The following ZFHX4 variants were observed in gnomAD, a reference collection of about 807,000 sequenced individuals.
ZFHX4 encodes the protein zinc finger homeobox protein 4.
ZFHX4 carries 56 observed loss-of-function variants against 267.6 expected under a neutral mutation model. The observed-to-expected ratio is 0.21, with a 90% CI of 0.17 to 0.26. The LOEUF (loss-of-function observed/expected upper bound fraction) is 0.26. Ranked by LOEUF, ZFHX4 falls within the 10% of genes least tolerant of loss-of-function variation. The pLI, the probability that ZFHX4 is intolerant of heterozygous loss-of-function variation, is 1.00. For synonymous variants in ZFHX4, 1,778 were observed against 1,665.6 expected (o/e 1.07, Z -1.64); for missense variants, 4,332 against 4,420.0 (o/e 0.98, Z 0.56).
intron 4 of ZFHX4, among the ~76,000 whole-genome samples, chr8:76,788,292 G>T (rs1211222028): frequency 1.3e-5 from 2 of 152,074 alleles, no homozygotes; most frequent in South Asian, 2.1e-4. Context: ...ACAATCCTCA[G>T]TTATCTTTTA....
chr8:76,714,632 A>G (rs1808516767), intron 3 of ZFHX4, among the ~76,000 whole-genome samples: 1 of 152,228 alleles, frequency 6.6e-6, no homozygotes, highest in African/African-American at 2.4e-5. Context: ...CCATTCTGTT[A>G]GCAGAATACA....
chr8:76,741,169 C>T (rs1308094470), intron 3 of ZFHX4, among the ~76,000 whole-genome samples: 1 of 152,064 alleles, frequency 6.6e-6, no homozygotes, highest in Non-Finnish European at 1.5e-5. Context: ...GCAGCAAATG[C>T]TATACAGAGG....
chr8:76,860,276 A>G (rs536734342), intron 10 of ZFHX4, among the ~76,000 whole-genome samples: 122 of 152,116 alleles, frequency 8.0e-4, no homozygotes, highest in African/African-American at 2.7e-3. Context: ...TCATTATTTA[A>G]CTCAGCTTTT....
At position 76,750,142 on chromosome 8, in the gene ZFHX4, G is replaced by A. The variant is rs564897797; in HGVS notation, c.3094-28066G>A. ...TTTTCAGAGATGCTGACCTGTTAGTGATTAACCAAGATTAGGGTCTTGGAT... is the reference window on the plus strand; with the variant it reads ...TTTTCAGAGATGCTGACCTGTTAGTAATTAACCAAGATTAGGGTCTTGGAT... On this transcript the variant is annotated intron_variant, in intron 3 of 10. Transcript: ENST00000651372. 2.0e-5 allele frequency among the ~76,000 whole-genome samples: 3 copies of A among 152,120 alleles called. No homozygotes were observed. The South Asian group carries it at 6.2e-4, about 32-fold the overall frequency.
At position 76,811,682 on chromosome 8, in the gene ZFHX4, A is replaced by G. The variant is rs559406368; in HGVS notation, c.3326-21656A>G. ...CACCAGAAGTGGTTTGGCAGGAAAG[A>G]CACCAAAACAGATTACTCCAGATAA... On this transcript the variant is annotated intron_variant, in intron 4 of 10. Coordinates refer to ENST00000651372, the MANE Select transcript of ZFHX4 (RefSeq NM_024721.5). 2.0e-5 allele frequency among the ~76,000 whole-genome samples: 3 copies of G among 152,322 alleles called. No individual in the cohort carries two copies. In the East Asian group the frequency reaches 5.8e-4, roughly 29 times the overall value.
intron 4 of ZFHX4, among the ~76,000 whole-genome samples, chr8:76,829,214 A>G (rs867187091): frequency 4.2e-5 from 6 of 142,272 alleles, no homozygotes; most frequent in African/African-American, 1.3e-4. Context: ...AATTCCAAAT[A>G]TATCCCTGGC....
chr8:76,703,959 G>A, intron 1 of ZFHX4, 84 bp from the exon 2 acceptor site: 11 of 969,022 alleles, frequency 1.1e-5, no homozygotes, highest in Non-Finnish European at 1.7e-5. Context: ...CACGTTTACA[G>A]CAGCTGTAAA....
intron 1 of ZFHX4, among the ~76,000 whole-genome samples, chr8:76,690,976 T>A (rs1807809804): frequency 6.6e-6 from 1 of 152,074 alleles, no homozygotes; most frequent in African/African-American, 2.4e-5. Context: ...TAACTCATTT[T>A]AAAATATGGG....
Position 76,855,229 on chromosome 8 carries a change from C to T in ZFHX4, c.8308C>T (p.Pro2770Ser). 1 of 1,612,156 alleles carries T rather than the reference C, an allele frequency of 6.2e-7. No individual in the cohort carries two copies. Among genetic ancestry groups the T allele is most frequent in the South Asian group, 1.1e-5 (1 of 90,790 alleles). ...AELSPKNLLSPSSFKAECSED... is the reference protein window; with the variant it reads ...AELSPKNLLSSSSFKAECSED... ...GCTGTCACCGAAGAATCTTTTAAGC[C>T]CTTCTTCTTTTAAAGCAGAGTGTTC... Residue 2770 changes from proline to serine, a missense_variant, in exon 10 of 11, where the codon CCT (proline) becomes TCT (serine). Physicochemically the swap from Pro to Ser is moderately conservative, Grantham distance 74. Coordinates refer to ENST00000651372, the MANE Select transcript of ZFHX4 (RefSeq NM_024721.5).
rs1019188158 is a variant in ZFHX4 at position 76,864,534 on chromosome 8, A to G, written c.10820A>G (p.Asn3607Ser). 3 of 1,611,016 alleles carry G rather than the reference A, an allele frequency of 1.9e-6. No individual in the cohort carries two copies. The highest frequency in any genetic ancestry group is 8.5e-7 in the Non-Finnish European group (1 of 1,178,620). ...GCTTCTGGCCTAGATGGTAATTTCA[A>G]TAGCATCCGAATGGATATGTTCAGT... Reference protein sequence around the residue: ...KPASGLDGNFNSIRMDMFSV With the variant: ...KPASGLDGNFSSIRMDMFSV The change falls in exon 11 of 11, where the codon AAT becomes AGT. Residue 3607 changes from asparagine (N) to serine (S), a missense_variant. Asn to Ser is a conservative substitution (Grantham distance 46, BLOSUM62 1). Coordinates refer to ENST00000651372, the MANE Select transcript of ZFHX4 (RefSeq NM_024721.5).
At chr8:76,837,021 G>T (rs1585994988) in intron 5 of ZFHX4, among the ~76,000 whole-genome samples, 1 of 152,046 alleles carries the variant, frequency 6.6e-6, no homozygotes, top group Non-Finnish European at 1.5e-5. Flanking sequence ...GGGAAATGGA[G>T]TAAGATGTGT....
At chr8:76,738,094 A>C (rs996462236) in intron 3 of ZFHX4, among the ~76,000 whole-genome samples, 6 of 152,192 alleles carry the variant, frequency 3.9e-5, no homozygotes, top group Middle Eastern at 3.2e-3. Context: ...CTAAGGCATC[A>C]CATGTAGGAG....
chr8:76,682,137 A>T (rs1397769114), intron 1 of ZFHX4, among the ~76,000 whole-genome samples: 2 of 151,952 alleles, frequency 1.3e-5, no homozygotes, highest in Non-Finnish European at 2.9e-5. Flanking sequence ...CTGCACCCCG[A>T]TCGGGATGAC....
chr8:76,765,047 T>G (rs1462443713), intron 3 of ZFHX4, among the ~76,000 whole-genome samples: 1 of 152,114 alleles, frequency 6.6e-6, no homozygotes, highest in Non-Finnish European at 1.5e-5. Flanking sequence ...TCGTAAAAAT[T>G]TTAAGTCAAG....
At chr8:76,807,864 T>G (rs1006275605) in intron 4 of ZFHX4, among the ~76,000 whole-genome samples, 6 of 152,146 alleles carry the variant, frequency 3.9e-5, no homozygotes, top group African/African-American at 1.4e-4. Flanking sequence ...TGTATAAATC[T>G]TATCTATGCA....
intron 3 of ZFHX4, among the ~76,000 whole-genome samples, chr8:76,775,900 T>C (rs1049496733): frequency 1.1e-4 from 16 of 151,442 alleles, no homozygotes; most frequent in South Asian, 2.1e-4. Flanking sequence ...GTTTTCTTTT[T>C]TTTTTTTTTT....
At chr8:76,823,335 C>T (rs1811704111) in intron 4 of ZFHX4, among the ~76,000 whole-genome samples, 1 of 152,116 alleles carries the variant, frequency 6.6e-6, no homozygotes, top group South Asian at 2.1e-4. Context: ...TTCTGCTGCT[C>T]ACACAGTCCA....
intron 3 of ZFHX4, among the ~76,000 whole-genome samples, chr8:76,712,587 C>T (rs1001204762): frequency 6.6e-6 from 1 of 151,814 alleles, no homozygotes; most frequent in African/African-American, 2.4e-5. Context: ...GTGTGGTACA[C>T]ATTTACATAA....
intron 10 of ZFHX4, among the ~76,000 whole-genome samples, chr8:76,858,331 T>A (rs1225387465): frequency 6.6e-6 from 1 of 152,208 alleles, no homozygotes; most frequent in African/African-American, 2.4e-5. Context: ...TGAGAAGATG[T>A]TGGAGGCAGT....
Sources: gnomAD v4.1 joint callset for allele counts (sites outside exome capture counted in the v4.1 genomes callset) on GRCh38, gnomAD v4.1.1 for gene constraint, MANE v1.5 for transcripts, NCBI Gene and HGNC (gene_info 2026-07-23, HGNC 2026-07-21) for gene names.